The following KRT40 variants were observed in gnomAD, a reference collection of about 807,000 sequenced individuals.
KRT40 encodes the protein keratin, type I cytoskeletal 40.
In KRT40, 47 loss-of-function variants were observed where a neutral mutation model predicts 43.5. The observed-to-expected ratio is 1.08, with a 90% CI of 0.86 to 1.38. The LOEUF is 1.38. Ranked by LOEUF, KRT40 falls within the 40% of genes most tolerant of loss-of-function variation. The pLI is 0.00. For synonymous variants in KRT40, 212 were observed against 214.0 expected, an observed-to-expected ratio of 0.99 and a Z score of 0.08; for missense variants, 573 against 523.6, an observed-to-expected ratio of 1.09 and a Z score of -0.92.
At position 40,980,829 on chromosome 17, in the gene KRT40, T is replaced by G. The variant is rs1192303763; in HGVS notation, c.931A>C (p.Thr311Pro). ...CQMEILELKR[T>P]ASALEIELQA... ...AGCTCAATTTCCAGAGCACTGGCTG[T>G]GCGTTTCAGTTCCAAGATCTCCATC... Residue 311 changes from threonine (T) to proline (P), a missense_variant, in exon 5 of 7, where the codon ACA becomes CCA. Thr to Pro is a conservative substitution (Grantham distance 38, BLOSUM62 -1). Coordinates refer to ENST00000377755, the MANE Select transcript of KRT40 (RefSeq NM_001389244.1). 6.2e-7 allele frequency: 1 copy of G among 1,612,648 alleles called. No individual in the cohort carries two copies. Among genetic ancestry groups the G allele is most frequent in the Non-Finnish European group, 8.5e-7 (1 of 1,179,934 alleles).
Position 40,977,792 on chromosome 17 carries a change from T to C in KRT40, c.*405A>G, listed in dbSNP as rs1348155859. ...ACTATTTTCTAAGATATATGACATT[T>C]CTCATGGGTTCATTAATTTATTTGT... is the stretch of plus-strand genomic sequence containing the variant. On this transcript the variant is annotated 3_prime_UTR_variant, in exon 7 of 7. Transcript: ENST00000377755. 6.5e-6 allele frequency: 1 copy of C among 154,688 alleles called. No individual in the cohort carries two copies. Among genetic ancestry groups the C allele is most frequent in the Non-Finnish European group, 1.4e-5 (1 of 69,722 alleles). 9.6% of individuals were successfully genotyped at this position (154,688 alleles called of 1,614,324 possible).
upstream of KRT40, chr17:40,984,391 T>G (rs1912369963): frequency 1.4e-6 from 1 of 705,264 alleles, no homozygotes. Context: ...CTGCACCGGA[T>G]GTTTTCTTTA....
chr17:40,985,109 C>T (rs1446961971), upstream of KRT40, among the ~76,000 whole-genome samples: 1 of 151,952 alleles, frequency 6.6e-6, no homozygotes, highest in Non-Finnish European at 1.5e-5. Flanking sequence ...CCTTTTAGTC[C>T]CTTGGGAATT....
At chr17:40,984,348 G>A, upstream of KRT40, 1 of 1,149,774 alleles carries the variant, frequency 8.7e-7, no homozygotes, top group Non-Finnish European at 1.2e-6. Flanking sequence ...TCTCCTGAGA[G>A]TTTTATAACC....
intron 2 of KRT40, 116 bp downstream of exon 2, chr17:40,982,930 C>A: frequency 1.9e-6 from 1 of 527,642 alleles, no homozygotes; most frequent in Non-Finnish European, 3.3e-6. Flanking sequence ...ACCACTTGAA[C>A]CCAGGAGGCA....
upstream of KRT40, chr17:40,986,981 A>G (rs1912497302): frequency 6.6e-6 from 1 of 152,100 alleles, no homozygotes; most frequent in Non-Finnish European, 1.5e-5. Flanking sequence ...GCCATCCTTC[A>G]AGCTTCGTAG....
At chr17:40,979,672 G>A (rs1912024585) in intron 5 of KRT40, among the ~76,000 whole-genome samples, 1 of 152,054 alleles carries the variant, frequency 6.6e-6, no homozygotes, top group South Asian at 2.1e-4. Flanking sequence ...ATTGAGTTTG[G>A]GCTCTTGGCA....
rs766131279 is a variant in KRT40, at chr17:40,981,102, A to G, written c.737T>C (p.Leu246Pro). ...EQLGDRLSVE[L>P]DTAPTLDLNR... Reference sequence around the variant, plus strand: ...GAGGTCAAGGGTGGGGGCAGTGTCCAGCTCCACACTGAGGCGGTCGCCAAG... The same window carrying G: ...GAGGTCAAGGGTGGGGGCAGTGTCCGGCTCCACACTGAGGCGGTCGCCAAG... The change falls in exon 4 of 7, where the codon CTG becomes CCG. Residue 246 changes from leucine to proline, a missense_variant. Coordinates refer to ENST00000377755, the MANE Select transcript of KRT40 (RefSeq NM_001389244.1). 84 of 1,614,110 alleles carry G rather than the reference A, an allele frequency of 5.2e-5. No homozygotes were observed. The highest frequency in any genetic ancestry group is 1.2e-4 in the Admixed American group (7 of 60,008).
At chr17:40,978,358 G>GAA in intron 6 of KRT40, 62 bp from the exon 7 acceptor site, 1 of 1,313,296 alleles carries the variant, frequency 7.6e-7, no homozygotes. Context: ...TGGCAACTCA[G>GAA]AAAAACCGTG....
chr17:40,984,447 T>C (rs1912373220), upstream of KRT40: 1 of 595,994 alleles, frequency 1.7e-6, no homozygotes, highest in African/African-American at 1.9e-5. Flanking sequence ...TTAGAGTTGT[T>C]TATTTACTGA....
Position 40,980,875 on chromosome 17 carries a change from C to A in KRT40, c.885G>T (p.Ala295=), listed in dbSNP as rs369156729. The A allele has an allele frequency of 1.1e-4, 182 of 1,613,684 alleles. No individual in the cohort carries two copies. Among genetic ancestry groups the A allele is most frequent in the Admixed American group, 1.8e-4 (11 of 59,894 alleles). ...CCATCTGGCAGCCCTGCAGCTGCTC[C>A]GCGCTGGACAGTTGCTGCTGATTCA... ...EELNQQQLSS[A]EQLQGCQMEI... The change falls in exon 5 of 7, where the codon GCG becomes GCT. Residue 295 remains alanine (A), a synonymous_variant. Transcript: ENST00000377755.
In KRT40 at chr17:40,984,292, A is replaced by G; in HGVS notation, c.-19T>C. 6.3e-7 allele frequency: 1 copy of G among 1,576,734 alleles called. No individual in the cohort carries two copies. The highest frequency in any genetic ancestry group is 8.7e-7 in the Non-Finnish European group (1 of 1,155,542). Reference sequence around the variant, plus strand: ...AAGTCATCCTTCCAGAAGCAAAGACAGAGACTGGCTGCAAAACTTCAGTTG... The same window carrying G: ...AAGTCATCCTTCCAGAAGCAAAGACGGAGACTGGCTGCAAAACTTCAGTTG... On this transcript the variant is annotated 5_prime_UTR_variant, in exon 1 of 7. Coordinates refer to ENST00000377755, the MANE Select transcript of KRT40 (RefSeq NM_001389244.1).
intron 3 of KRT40, 157 bp from the exon 4 acceptor site, chr17:40,981,308 G>A (rs779402084): frequency 7.3e-7 from 1 of 1,376,378 alleles, no homozygotes; most frequent in Non-Finnish European, 1.0e-6. Context: ...CACTTAGAAG[G>A]GCCTCAGTTT....
chr17:40,980,892 GC>G lies in KRT40; in HGVS notation c.867del (p.Gln289HisfsTer20). On this transcript the variant is annotated frameshift_variant, in exon 5 of 7. Coordinates refer to ENST00000377755, the MANE Select transcript of KRT40 (RefSeq NM_001389244.1). LOFTEE classifies it high-confidence loss of function. ...AGCTGCTCCGCGCTGGACAGTTGCT[GC>G]TGATTCAGCTCTTCTGTCTGAAACA... is the stretch of plus-strand genomic sequence containing the variant. Reference protein sequence around the residue: ...WLAVQTEELNQQQLSSAEQLQ... With the variant: ...WLAVQTEELNXQQLSSAEQLQ... 6 of 1,614,046 alleles carry G rather than the reference GC, an allele frequency of 3.7e-6. No individual in the cohort carries two copies. The highest frequency in any genetic ancestry group is 5.1e-6 in the Non-Finnish European group (6 of 1,180,022).
At chr17:40,979,729 G>A (rs1348130644) in intron 5 of KRT40, among the ~76,000 whole-genome samples, 1 of 152,172 alleles carries the variant, frequency 6.6e-6, no homozygotes, top group Non-Finnish European at 1.5e-5. Flanking sequence ...CTGGATACCA[G>A]AGGCTGGGAC....
In KRT40 at chr17:40,980,797, T is replaced by C. The variant is rs1912097199; in HGVS notation, c.963A>G (p.Ala321=). The C allele has an allele frequency of 2.5e-6, 4 of 1,605,410 alleles. No homozygotes were observed. The highest frequency in any genetic ancestry group is 3.4e-6 in the Non-Finnish European group (4 of 1,178,440). ...TASALEIELQ[A]QQSLTESLEC... is the part of the protein sequence containing the mutation. ...TTGCCTCACGCACCAGGCTTTGCTG[T>C]GCTTGGAGCTCAATTTCCAGAGCAC... The change falls in exon 5 of 7, where the codon GCA becomes GCG. Residue 321 remains alanine (A), a synonymous_variant. Transcript: ENST00000377755.
In KRT40 at chr17:40,980,765, A is replaced by C. The variant is rs777743755; in HGVS notation, c.975+20T>G. On this transcript the variant is annotated intron_variant, in intron 5 of 6. Coordinates refer to ENST00000377755, the MANE Select transcript of KRT40 (RefSeq NM_001389244.1). ...CTGACTTATCAGTGACACAACGGAC[A>C]CTGCCTTTGCCTCACGCACCAGGCT... 18 of 1,572,066 alleles carry C rather than the reference A, an allele frequency of 1.1e-5. No individual in the cohort carries two copies. Among genetic ancestry groups the C allele is most frequent in the Middle Eastern group, 4.6e-4 (2 of 4,376 alleles).
chr17:40,978,969 A>T lies in KRT40; in HGVS notation c.1031T>A (p.Leu344Gln). Residue 344 changes from leucine to glutamine, a missense_variant, in exon 6 of 7, where the codon CTG becomes CAG. Physicochemically the swap from Leu to Gln is moderately radical, Grantham distance 113. Transcript: ENST00000377755. ...ATCGATCAGACACTGAATTTGGGCC[A>T]GCTGGGAGCTGTACTGGGCCTCGGT... ...AETEAQYSSQ[L>Q]AQIQCLIDNL... 6.2e-7 allele frequency: 1 copy of T among 1,614,176 alleles called. No individual in the cohort carries two copies. The highest frequency in any genetic ancestry group is 8.5e-7 in the Non-Finnish European group (1 of 1,180,018).
chr17:40,984,054 C>T lies in KRT40; in HGVS notation c.220G>A (p.Val74Met). ...TCCTCACACCAGGCACAGTTCCCCACCAAGCAGGGACTATTACAACTCCCA... is the reference window on the plus strand; with the variant it reads ...TCCTCACACCAGGCACAGTTCCCCATCAAGCAGGGACTATTACAACTCCCA... The part of the protein sequence containing the change: ...FTGSCNSPCL[V>M]GNCAWCEDGV... Residue 74 changes from valine (V) to methionine (M), a missense_variant, in exon 1 of 7, where the codon GTG becomes ATG. Val to Met is a conservative substitution (Grantham distance 21, BLOSUM62 1). Transcript: ENST00000377755. The T allele has an allele frequency of 6.2e-7, 1 of 1,614,086 alleles. No individual in the cohort carries two copies. The highest frequency in any genetic ancestry group is 8.5e-7 in the Non-Finnish European group (1 of 1,180,022).
Sources: allele counts gnomAD v4.1 joint callset (sites outside exome capture counted in the v4.1 genomes callset), GRCh38; gene constraint gnomAD v4.1.1; transcripts MANE v1.5; gene names NCBI Gene and HGNC (gene_info 2026-07-23, HGNC 2026-07-21).